The following KCNMA1 variants were observed in gnomAD, a reference collection of about 807,000 sequenced individuals.
KCNMA1 encodes potassium calcium-activated channel subfamily M alpha 1.
In KCNMA1, 29 loss-of-function variants were observed where a neutral mutation model predicts 140.0. That is an observed-to-expected ratio of 0.21 (90% CI 0.15 to 0.28). The LOEUF (loss-of-function observed/expected upper bound fraction) is 0.28. Among genes scored for constraint, KCNMA1 ranks in the 10% least tolerant of loss-of-function variants. KCNMA1 has a pLI of 1.00. For missense variants in KCNMA1, 880 were observed against 1,602.2 expected, an observed-to-expected ratio of 0.55 and a Z score of 7.70; for synonymous variants, 612 against 611.9, an observed-to-expected ratio of 1.00 and a Z score of 0.00.
intron 19 of KCNMA1, among the ~76,000 whole-genome samples, chr10:76,981,820 C>T (rs901544748): frequency 6.6e-6 from 1 of 152,226 alleles, no homozygotes; most frequent in East Asian, 1.9e-4. Flanking sequence ...TCTACTCCCC[C>T]AGCTAGGCTT....
chr10:77,509,209 C>T lies in KCNMA1; in HGVS notation c.379-105186G>A, dbSNP rs141146210. 2.5e-3 allele frequency among the ~76,000 whole-genome samples: 374 copies of T among 152,248 alleles called. 9 individuals carry two copies. In the East Asian group the frequency reaches 0.065, roughly 26 times the overall value. On this transcript the variant is annotated intron_variant, in intron 1 of 27. Transcript: ENST00000286628. ...AATCTCGGCTCACTGCAACCTCCGC[C>T]TCCCAGCTTCCAGTGATTCTCCTGC...
chr10:76,905,715 T>TG (rs2047558965), intron 25 of KCNMA1, among the ~76,000 whole-genome samples: 1 of 152,220 alleles, frequency 6.6e-6, no homozygotes, highest in Non-Finnish European at 1.5e-5. Context: ...TCCACACCCA[T>TG]TCAAGCTATT....
intron 17 of KCNMA1, among the ~76,000 whole-genome samples, chr10:77,018,012 A>G (rs974342012): frequency 6.6e-6 from 1 of 152,106 alleles, no homozygotes; most frequent in African/African-American, 2.4e-5. Flanking sequence ...AAAAGGAAAG[A>G]CCAGTTCCAC....
At chr10:77,213,076 C>T (rs1163668103) in intron 3 of KCNMA1, among the ~76,000 whole-genome samples, 5 of 151,962 alleles carry the variant, frequency 3.3e-5, no homozygotes, top group African/African-American at 1.2e-4. Flanking sequence ...GTAATTAAAT[C>T]TAATTACATA....
chr10:76,941,562 G>A (rs1046354011), intron 23 of KCNMA1, among the ~76,000 whole-genome samples: 1 of 152,112 alleles, frequency 6.6e-6, no homozygotes, highest in Non-Finnish European at 1.5e-5. Flanking sequence ...CAAGAGAGGA[G>A]CAGACAGACA....
chr10:77,451,879 T>C (rs866855540), intron 1 of KCNMA1, among the ~76,000 whole-genome samples: 4 of 152,280 alleles, frequency 2.6e-5, no homozygotes, highest in Middle Eastern at 3.4e-3. Context: ...ATATTTGAAA[T>C]GTATAAGACT....
chr10:76,908,777 G>T (rs1355877234), intron 25 of KCNMA1, among the ~76,000 whole-genome samples: 1 of 152,206 alleles, frequency 6.6e-6, no homozygotes, highest in Admixed American at 6.5e-5. Flanking sequence ...TTCAGCCTAT[G>T]TCTGCATTTT....
intron 26 of KCNMA1, chr10:76,889,807 C>G: frequency 1.8e-6 from 1 of 557,812 alleles, no homozygotes; most frequent in Non-Finnish European, 3.2e-6. Context: ...CTCCAGTTTT[C>G]CACCTGTCGC....
At chr10:77,525,650 G>C (rs1038610068) in intron 1 of KCNMA1, among the ~76,000 whole-genome samples, 8 of 152,326 alleles carry the variant, frequency 5.3e-5, no homozygotes, top group Admixed American at 2.6e-4. Context: ...TTCTTCATGT[G>C]TAAAATGAAA....
At chr10:76,941,234 G>C (rs1363258034) in intron 23 of KCNMA1, among the ~76,000 whole-genome samples, 1 of 151,974 alleles carries the variant, frequency 6.6e-6, no homozygotes, top group Non-Finnish European at 1.5e-5. Flanking sequence ...AAAATGGAGA[G>C]TAACATGAAA....
chr10:77,508,148 T>A (rs1220896560), intron 1 of KCNMA1, among the ~76,000 whole-genome samples: 1 of 152,128 alleles, frequency 6.6e-6, no homozygotes, highest in African/African-American at 2.4e-5. Context: ...ACAGCAATCA[T>A]CTCTAGGATT....
intron 3 of KCNMA1, among the ~76,000 whole-genome samples, chr10:77,249,151 A>C (rs998883463): frequency 6.6e-6 from 1 of 152,190 alleles, no homozygotes; most frequent in African/African-American, 2.4e-5. Flanking sequence ...TGCCAGGAAA[A>C]GGTGAGGACA....
At chr10:77,584,887 C>T (rs2076842672) in intron 1 of KCNMA1, among the ~76,000 whole-genome samples, 1 of 152,202 alleles carries the variant, frequency 6.6e-6, no homozygotes, top group Non-Finnish European at 1.5e-5. Context: ...CACGCTGTTC[C>T]AGCATCACCT....
chr10:77,071,655 T>C (rs1043358316), intron 14 of KCNMA1: 2 of 152,220 alleles, frequency 1.3e-5, no homozygotes, highest in East Asian at 3.9e-4. Context: ...CCTAAAGGAA[T>C]GCAACATCTT....
chr10:76,874,919 A>G (rs1202944843), downstream of KCNMA1: 1 of 152,238 alleles, frequency 6.6e-6, no homozygotes, highest in Non-Finnish European at 1.5e-5. Context: ...CCCAAGAATC[A>G]TTAGTTTGGG....
chr10:77,595,067 C>T (rs1035322418), intron 1 of KCNMA1, among the ~76,000 whole-genome samples: 13 of 152,110 alleles, frequency 8.5e-5, no homozygotes, highest in Non-Finnish European at 1.6e-4. Context: ...TTTTAGTGGT[C>T]GGGCGCAGTA....
intron 3 of KCNMA1, among the ~76,000 whole-genome samples, chr10:77,199,610 C>G (rs939257288): frequency 6.6e-6 from 1 of 152,274 alleles, no homozygotes; most frequent in Middle Eastern, 3.4e-3. Flanking sequence ...ATCAGTAGTA[C>G]TCAAATATAA....
chr10:76,877,223 T>C (rs2032559958), downstream of KCNMA1: 1 of 153,604 alleles, frequency 6.5e-6, no homozygotes, highest in South Asian at 2.1e-4. Context: ...GGTATTCACC[T>C]GTCCCCTTAG....
chr10:77,285,763 T>A (rs1374341371), intron 2 of KCNMA1, among the ~76,000 whole-genome samples: 1 of 152,224 alleles, frequency 6.6e-6, no homozygotes, highest in Non-Finnish European at 1.5e-5. Context: ...CTCTGCCCCT[T>A]ACTGGCCATG....
Sources: allele counts gnomAD v4.1 joint callset (sites outside exome capture counted in the v4.1 genomes callset), GRCh38; gene constraint gnomAD v4.1.1; transcripts MANE v1.5; gene names NCBI Gene and HGNC (gene_info 2026-07-23, HGNC 2026-07-21).